The following MBTPS1 variants were observed in gnomAD, a reference collection of about 807,000 sequenced individuals.
The protein encoded by MBTPS1 is membrane bound transcription factor peptidase, site 1, also known as membrane-bound transcription factor site-1 protease.
MBTPS1 carries 94 observed loss-of-function variants against 127.8 expected under a neutral mutation model. That is an observed-to-expected ratio of 0.74 (90% CI 0.62 to 0.87). MBTPS1 has a LOEUF of 0.87. MBTPS1 is among the 40% of genes least tolerant of loss of function. The probability of loss-of-function intolerance (pLI) is 0.00; values close to 1 mark genes in which losing one functional copy is unlikely to be tolerated. For synonymous variants in MBTPS1, 632 were observed against 509.4 expected, an observed-to-expected ratio of 1.24 and a Z score of -3.24; for missense variants, 1,636 against 1,353.2, an observed-to-expected ratio of 1.21 and a Z score of -3.28.
In MBTPS1 at chr16:84,056,183, G is replaced by C. The variant is rs144272176; in HGVS notation, c.2832-48C>G. The C allele has an allele frequency of 5.7e-4, 873 of 1,526,740 alleles. 5 individuals carry two copies. The African/African-American group carries it at 0.011, about 19-fold the overall frequency. 94.6% of individuals were successfully genotyped at this position (1,526,740 alleles called of 1,614,324 possible). On this transcript the variant is annotated intron_variant, in intron 21 of 22. Transcript: ENST00000343411. ...AAAACAAAAATAAGCCATTGTACTA[G>C]TCTAGGTACTAGTCTAGGAAGTTCA... is the stretch of plus-strand genomic sequence containing the variant.
intron 19 of MBTPS1, among the ~76,000 whole-genome samples, chr16:84,062,995 G>C (rs1354997661): frequency 6.6e-6 from 1 of 152,262 alleles, no homozygotes; most frequent in Non-Finnish European, 1.5e-5. Context: ...CAGGCCCCAA[G>C]GAAGTCAGGG....
Position 84,096,277 on chromosome 16 carries a change from T to C in MBTPS1, c.422-472A>G, listed in dbSNP as rs184765881. Among the ~76,000 whole-genome samples, 33 of 152,348 alleles carry C rather than the reference T, an allele frequency of 2.2e-4. No individual in the cohort carries two copies. The East Asian group carries it at 5.8e-3, about 27-fold the overall frequency. On this transcript the variant is annotated intron_variant, in intron 3 of 22. Coordinates refer to ENST00000343411, the MANE Select transcript of MBTPS1 (RefSeq NM_003791.4). ...ATATCAACAGGACTTAAAACAACTGTATATTGCTCAATATTCTCAATATTC... is the reference window on the plus strand; with the variant it reads ...ATATCAACAGGACTTAAAACAACTGCATATTGCTCAATATTCTCAATATTC...
chr16:84,065,627 G>C (rs2085670136), intron 18 of MBTPS1, 63 bp downstream of exon 18: 2 of 1,037,766 alleles, frequency 1.9e-6, no homozygotes, highest in East Asian at 2.4e-5. Flanking sequence ...GACAGAGAGA[G>C]AAGCGGGGGA....
chr16:84,100,288 T>G (rs1051344697), intron 2 of MBTPS1, among the ~76,000 whole-genome samples: 1 of 152,112 alleles, frequency 6.6e-6, no homozygotes. Context: ...CTCATGCCTG[T>G]AATCCCAACA....
intron 9 of MBTPS1, chr16:84,086,012 C>T (rs181461035): frequency 6.6e-6 from 1 of 152,246 alleles, no homozygotes; most frequent in East Asian, 1.9e-4. Context: ...CTTGCTTAAG[C>T]TTCTTAAGAA....
At chr16:84,059,701 C>T in intron 20 of MBTPS1, 1 of 230,190 alleles carries the variant, frequency 4.3e-6, no homozygotes, top group Non-Finnish European at 8.5e-6. Context: ...GCTGGTCAAA[C>T]TTTGCTGACC....
At chr16:84,091,323 T>G (rs1383574898) in intron 7 of MBTPS1, among the ~76,000 whole-genome samples, 1 of 151,872 alleles carries the variant, frequency 6.6e-6, no homozygotes, top group Non-Finnish European at 1.5e-5. Context: ...CCGTCTCTAC[T>G]AAAAATAGCA....
At chr16:84,100,571 T>C (rs575208833) in intron 2 of MBTPS1, among the ~76,000 whole-genome samples, 1 of 147,846 alleles carries the variant, frequency 6.8e-6, no homozygotes, top group African/African-American at 2.5e-5. Context: ...AAAACAAAAA[T>C]AAAAAAATTA....
chr16:84,065,904 T>G, intron 17 of MBTPS1, 137 bp from the exon 18 acceptor site: 1 of 531,700 alleles, frequency 1.9e-6, no homozygotes. Flanking sequence ...AGGGAGGAGC[T>G]GCTATTGCCT....
In MBTPS1 at chr16:84,070,727, G is replaced by A. The variant is rs749390389; in HGVS notation, c.1643C>T (p.Ala548Val). The stretch of plus-strand genomic sequence containing the variant: ...CCATAAGACCGAGGAGTAGGAGAAG[G>A]CAACTTCAATGTTGTCTCCGTTCTG... ...LPQNGDNIEV[A>V]FSYSSVLWPW... is the part of the protein sequence containing the mutation. Residue 548 changes from alanine (A) to valine (V), a missense_variant, in exon 13 of 23, where the codon GCC (alanine) becomes GTC (valine). Ala to Val is a moderately conservative substitution (Grantham distance 64). Coordinates refer to ENST00000343411, the MANE Select transcript of MBTPS1 (RefSeq NM_003791.4). 6.2e-6 allele frequency: 10 copies of A among 1,614,066 alleles called. No individual in the cohort carries two copies. Among genetic ancestry groups the A allele is most frequent in the African/African-American group, 1.3e-5 (1 of 75,020 alleles).
At chr16:84,055,029 C>A (rs1252752978) in intron 22 of MBTPS1, among the ~76,000 whole-genome samples, 2 of 152,138 alleles carry the variant, frequency 1.3e-5, no homozygotes, top group Non-Finnish European at 2.9e-5. Flanking sequence ...GAAGGAGGGG[C>A]CTGTGGTTCC....
At chr16:84,065,246 T>TA (rs373637635) in intron 18 of MBTPS1, among the ~76,000 whole-genome samples, 33 of 151,924 alleles carry the variant, frequency 2.2e-4, no homozygotes, top group African/African-American at 8.0e-4. Flanking sequence ...GCCTCCTGAG[T>TA]AGCTGGGACT....
At chr16:84,098,158 T>A (rs1308815989) in intron 3 of MBTPS1, among the ~76,000 whole-genome samples, 1 of 152,166 alleles carries the variant, frequency 6.6e-6, no homozygotes, top group African/African-American at 2.4e-5. Flanking sequence ...TAGGAAAGAC[T>A]AAGCCCTGGA....
At chr16:84,089,891 C>G (rs1337596917) in intron 8 of MBTPS1, among the ~76,000 whole-genome samples, 1 of 152,216 alleles carries the variant, frequency 6.6e-6, no homozygotes, top group Admixed American at 6.5e-5. Context: ...GAGACAAGAA[C>G]ACCTGACGAG....
At chr16:84,066,635 C>T in intron 16 of MBTPS1, 22 bp from the exon 17 acceptor site, 1 of 1,612,978 alleles carries the variant, frequency 6.2e-7, no homozygotes, top group East Asian at 2.2e-5. Flanking sequence ...GTAACAGACA[C>T]ACAGGGAACA....
At chr16:84,087,103 G>A (rs1428161935) in intron 9 of MBTPS1, among the ~76,000 whole-genome samples, 1 of 152,092 alleles carries the variant, frequency 6.6e-6, no homozygotes. Flanking sequence ...AAGTTAAACT[G>A]GGAAACACCG....
intron 21 of MBTPS1, among the ~76,000 whole-genome samples, chr16:84,058,951 T>C (rs1239227922): frequency 6.6e-6 from 1 of 152,190 alleles, no homozygotes; most frequent in Non-Finnish European, 1.5e-5. Context: ...TATCTTATCA[T>C]CAATGTCTGA....
chr16:84,080,790 A>G (rs2085929135), intron 11 of MBTPS1, among the ~76,000 whole-genome samples: 2 of 152,208 alleles, frequency 1.3e-5, no homozygotes, highest in Non-Finnish European at 2.9e-5. Context: ...TCAGCACTGC[A>G]GTTCCTGCCT....
At chr16:84,061,878 G>A (rs980652971) in intron 19 of MBTPS1, among the ~76,000 whole-genome samples, 15 of 152,138 alleles carry the variant, frequency 9.9e-5, no homozygotes, top group African/African-American at 1.9e-4. Flanking sequence ...GACAAGATCC[G>A]TGTGAGAAAA....
Sources: allele counts gnomAD v4.1 joint callset (sites outside exome capture counted in the v4.1 genomes callset), GRCh38; gene constraint gnomAD v4.1.1; transcripts MANE v1.5; gene names NCBI Gene and HGNC (gene_info 2026-07-23, HGNC 2026-07-21).